Variants in TENM3 observed in about 807,000 individuals in gnomAD.
The protein encoded by TENM3 is teneurin-3.
A neutral mutation model predicts 255.1 loss-of-function variants in TENM3; 63 were observed. The observed-to-expected ratio is 0.25, with a 90% CI of 0.20 to 0.30. TENM3 has a LOEUF of 0.30. Ranked by LOEUF, TENM3 falls within the 10% of genes least tolerant of loss-of-function variation. TENM3 has a pLI of 1.00. For synonymous variants in TENM3, 1,306 were observed against 1,322.3 expected, an observed-to-expected ratio of 0.99 and a Z score of 0.27; for missense variants, 2,929 against 3,461.1, an observed-to-expected ratio of 0.85 and a Z score of 3.86.
chr4:181,910,590 G>GTA, the TENM3 span, among the ~76,000 whole-genome samples: 9,615 of 142,648 alleles, frequency 0.067, 440 homozygotes, highest in East Asian at 0.26. Context: ...ATATGTATTT[G>GTA]TATATATATA....
At chr4:182,603,784 T>TATATATATATATATACAC (rs58332965) in intron 4 of TENM3, among the ~76,000 whole-genome samples, 14 of 134,200 alleles carry the variant, frequency 1.0e-4, no homozygotes, top group African/African-American at 3.3e-4. Flanking sequence ...TATATATATA[T>TATATATATATATATACAC]ACACACACAC....
chr4:182,294,756 A>G (rs1561290721), intron 1 of TENM3, among the ~76,000 whole-genome samples: 1 of 152,208 alleles, frequency 6.6e-6, no homozygotes, highest in Admixed American at 6.5e-5. Context: ...ATCAATGGAT[A>G]TGGATCCCAC....
At chr4:182,361,720 C>G (rs1386844420) in intron 3 of TENM3, among the ~76,000 whole-genome samples, 11 of 150,962 alleles carry the variant, frequency 7.3e-5, no homozygotes, top group African/African-American at 2.5e-4. Context: ...CTCAACTCGT[C>G]AAAGTCATTC....
chr4:182,698,819 TGA>T (rs2152629501), intron 12 of TENM3, among the ~76,000 whole-genome samples: 1 of 152,342 alleles, frequency 6.6e-6, no homozygotes, highest in South Asian at 2.1e-4. Context: ...CCAGTGCTAC[TGA>T]GAGGTAAATT....
At chr4:181,497,672 T>C in the TENM3 span, among the ~76,000 whole-genome samples, 1 of 152,172 alleles carries the variant, frequency 6.6e-6, no homozygotes, top group African/African-American at 2.4e-5. Context: ...CCTTTTATCT[T>C]GAAACTTCAG....
chr4:181,563,280 C>A, the TENM3 span, among the ~76,000 whole-genome samples: 1 of 152,146 alleles, frequency 6.6e-6, no homozygotes, highest in South Asian at 2.1e-4. Context: ...CAATCTTCAC[C>A]ATTTCTCGGC....
intron 3 of TENM3, among the ~76,000 whole-genome samples, chr4:182,498,117 T>C (rs2151631611): frequency 6.6e-6 from 1 of 152,254 alleles, no homozygotes; most frequent in African/African-American, 2.4e-5. Context: ...GGAGAGTGGT[T>C]ATCTTCATTA....
chr4:181,592,298 A>T, the TENM3 span, among the ~76,000 whole-genome samples: 4 of 86,984 alleles, frequency 4.6e-5, no homozygotes, highest in African/African-American at 1.7e-4. Flanking sequence ...GGCCCCTTCT[A>T]TCTGCTCCTC....
At chr4:182,734,623 A>T (rs149383647) in intron 16 of TENM3, among the ~76,000 whole-genome samples, 1 of 152,306 alleles carries the variant, frequency 6.6e-6, no homozygotes, top group African/African-American at 2.4e-5. Flanking sequence ...AATTGGCAGG[A>T]CATGGTTCCT....
chr4:182,347,022 T>G, intron 3 of TENM3, 93 bp downstream of exon 3: 2 of 1,026,134 alleles, frequency 1.9e-6, no homozygotes. Context: ...CTTTCTCTCC[T>G]TCCTCTCATC....
chr4:181,734,024 C>T, the TENM3 span, among the ~76,000 whole-genome samples: 1 of 152,148 alleles, frequency 6.6e-6, no homozygotes, highest in Middle Eastern at 3.4e-3. Context: ...AAGCCATAAA[C>T]GTATCTTTGA....
chr4:182,403,713 G>A (rs1376613290), intron 3 of TENM3, among the ~76,000 whole-genome samples: 2 of 152,210 alleles, frequency 1.3e-5, no homozygotes, highest in Admixed American at 6.5e-5. Flanking sequence ...AGGTTCTTTT[G>A]GGTGAAAATT....
chr4:182,604,128 A>G (rs1289275874), intron 4 of TENM3, among the ~76,000 whole-genome samples: 1 of 152,164 alleles, frequency 6.6e-6, no homozygotes, highest in Non-Finnish European at 1.5e-5. Flanking sequence ...TGCTTCCATA[A>G]AAATGTTTAT....
chr4:182,282,672 C>G (rs1239970282), intron 1 of TENM3, among the ~76,000 whole-genome samples: 2 of 152,056 alleles, frequency 1.3e-5, no homozygotes, highest in African/African-American at 4.8e-5. Context: ...GCAGTCGGAT[C>G]ACCTGAGCTC....
the TENM3 span, among the ~76,000 whole-genome samples, chr4:182,023,503 T>C: frequency 6.6e-6 from 1 of 152,202 alleles, no homozygotes; most frequent in African/African-American, 2.4e-5. Flanking sequence ...AGTACTCTGA[T>C]TACCAGACAA....
At chr4:182,649,543 A>G (rs1753067049) in intron 5 of TENM3, among the ~76,000 whole-genome samples, 2 of 150,664 alleles carry the variant, frequency 1.3e-5, no homozygotes, top group East Asian at 2.0e-4. Context: ...TTAAATCTAC[A>G]TGATTATTTC....
intron 1 of TENM3, among the ~76,000 whole-genome samples, chr4:182,267,264 C>T (rs1475920269): frequency 1.3e-5 from 2 of 152,098 alleles, no homozygotes; most frequent in African/African-American, 4.8e-5. Context: ...ATTTATTTCT[C>T]TCTACCTAAT....
the TENM3 span, among the ~76,000 whole-genome samples, chr4:181,956,998 T>C: frequency 6.6e-6 from 1 of 152,212 alleles, no homozygotes; most frequent in Non-Finnish European, 1.5e-5. Flanking sequence ...GATAACTCTG[T>C]AAATTATTCT....
At chr4:181,794,199 T>C in the TENM3 span, among the ~76,000 whole-genome samples, 1 of 152,026 alleles carries the variant, frequency 6.6e-6, no homozygotes, top group Non-Finnish European at 1.5e-5. Flanking sequence ...TATATATATA[T>C]ACACACTGCA....
Sources: gnomAD v4.1 joint callset for allele counts (sites outside exome capture counted in the v4.1 genomes callset) on GRCh38, gnomAD v4.1.1 for gene constraint, MANE v1.5 for transcripts, NCBI Gene and HGNC (gene_info 2026-07-23, HGNC 2026-07-21) for gene names.